The following ZNF536 variants were observed in gnomAD, a reference collection of about 807,000 sequenced individuals.
ZNF536 encodes zinc finger protein 536.
ZNF536 carries 13 observed loss-of-function variants against 84.5 expected under a neutral mutation model. That is an observed-to-expected ratio of 0.15 (90% confidence interval 0.10 to 0.24). The LOEUF (loss-of-function observed/expected upper bound fraction) is 0.24, where lower values mean the gene tolerates loss of function less well. Ranked by LOEUF, ZNF536 falls within the 10% of genes least tolerant of loss-of-function variation. ZNF536 has a pLI of 1.00. For synonymous variants in ZNF536, 811 were observed against 742.5 expected, an observed-to-expected ratio of 1.09 and a Z score of -1.50; for missense variants, 1,536 against 1,747.5, an observed-to-expected ratio of 0.88 and a Z score of 2.16.
intron 1 of ZNF536, among the ~76,000 whole-genome samples, chr19:30,678,747 A>G (rs1212159730): frequency 2.8e-4 from 21 of 74,946 alleles, no homozygotes; most frequent in Non-Finnish European, 5.7e-4. Context: ...CCCCACACAC[A>G]CCTATACCCT....
At chr19:30,664,204 TTCTC>T (rs71173915) in intron 1 of ZNF536, among the ~76,000 whole-genome samples, 1,824 of 90,372 alleles carry the variant, frequency 0.02, 27 homozygotes, top group South Asian at 0.031. Context: ...TTGCTGAGTT[TTCTC>T]TCTCTCTCTC....
At chr19:30,260,164 A>T (rs1372299459) in intron 1 of ZNF536, among the ~76,000 whole-genome samples, 2 of 152,016 alleles carry the variant, frequency 1.3e-5, no homozygotes, top group Non-Finnish European at 2.9e-5. Context: ...TGTAGAGGTG[A>T]CTCCGATGTC....
chr19:30,482,807 C>T (rs1188881967), intron 2 of ZNF536, among the ~76,000 whole-genome samples: 1 of 152,038 alleles, frequency 6.6e-6, no homozygotes, highest in Non-Finnish European at 1.5e-5. Flanking sequence ...GTCCAGCCCC[C>T]CAGCTGGTTG....
intron 1 of ZNF536, among the ~76,000 whole-genome samples, chr19:30,237,644 T>C (rs1349870817): frequency 6.6e-6 from 1 of 152,228 alleles, no homozygotes; most frequent in Non-Finnish European, 1.5e-5. Context: ...TTTCACTGAC[T>C]GTATCATTGA....
At chr19:30,705,581 C>A (rs928636697) in intron 1 of ZNF536, among the ~76,000 whole-genome samples, 1 of 152,042 alleles carries the variant, frequency 6.6e-6, no homozygotes, top group Non-Finnish European at 1.5e-5. Flanking sequence ...TGATATCATC[C>A]CTTGGCAAAA....
intron 3 of ZNF536, among the ~76,000 whole-genome samples, chr19:30,353,303 G>A (rs942379032): frequency 1.3e-5 from 2 of 152,228 alleles, no homozygotes; most frequent in South Asian, 2.1e-4. Flanking sequence ...GGCAGAGCAC[G>A]AGACAGTGGT....
intron 2 of ZNF536, among the ~76,000 whole-genome samples, chr19:30,289,366 A>C (rs1730359235): frequency 6.6e-6 from 1 of 152,246 alleles, no homozygotes; most frequent in Non-Finnish European, 1.5e-5. Flanking sequence ...ACTGCTAGTC[A>C]GCGACAACAT....
chr19:30,690,548 C>T (rs566472430), intron 1 of ZNF536, among the ~76,000 whole-genome samples: 26 of 152,278 alleles, frequency 1.7e-4, no homozygotes, highest in African/African-American at 5.1e-4. Flanking sequence ...TTAATCATCA[C>T]GAACAGCTTT....
At position 30,595,854 on chromosome 19, in the gene ZNF536, G is replaced by A. The variant is rs1279747111; in HGVS notation, c.169+46340G>A. Among the ~76,000 whole-genome samples, 3 of 152,166 alleles carry A rather than the reference G, an allele frequency of 2.0e-5. No homozygotes were observed. In the East Asian group the frequency reaches 5.8e-4, roughly 29 times the overall value. ...CCTTTCTAGTGTCAGGACATAAGAG[G>A]CAGGGAAAGGGGAAAGCAAGCATGA... On this transcript the variant is annotated intron_variant, in intron 1 of 1. Transcript: ENST00000592773.
intron 1 of ZNF536, among the ~76,000 whole-genome samples, chr19:30,422,255 G>A (rs900027538): frequency 6.6e-6 from 1 of 152,112 alleles, no homozygotes; most frequent in South Asian, 2.1e-4. Context: ...ACCTCCTGAA[G>A]ACAAGACATA....
chr19:30,232,063 T>A (rs1360974856), intron 1 of ZNF536, among the ~76,000 whole-genome samples: 1 of 152,076 alleles, frequency 6.6e-6, no homozygotes, highest in Admixed American at 6.5e-5. Context: ...CCTCACTTTT[T>A]TTTTTTCCCA....
chr19:30,672,882 T>G (rs948443878), intron 1 of ZNF536, among the ~76,000 whole-genome samples: 3 of 152,166 alleles, frequency 2.0e-5, no homozygotes, highest in Admixed American at 2.0e-4. Flanking sequence ...GCTGGGACCC[T>G]CCGAGGAACT....
intron 1 of ZNF536, among the ~76,000 whole-genome samples, chr19:30,375,529 A>C (rs1376246912): frequency 6.6e-6 from 1 of 151,968 alleles, no homozygotes; most frequent in Admixed American, 6.5e-5. Flanking sequence ...TCTGCTGGGG[A>C]GCTCACCCCC....
intron 2 of ZNF536, among the ~76,000 whole-genome samples, chr19:30,285,969 G>A (rs920652419): frequency 6.6e-6 from 1 of 152,228 alleles, no homozygotes; most frequent in African/African-American, 2.4e-5. Context: ...GAGTTCCAGA[G>A]TTCCATGGTG....
chr19:30,696,831 G>A (rs146615480), intron 1 of ZNF536, among the ~76,000 whole-genome samples: 5 of 152,216 alleles, frequency 3.3e-5, no homozygotes, highest in East Asian at 1.9e-4. Context: ...GAAATCTGGC[G>A]ACATCTAAGC....
chr19:30,299,068 G>C (rs1369274628), intron 2 of ZNF536, among the ~76,000 whole-genome samples: 1 of 152,150 alleles, frequency 6.6e-6, no homozygotes, highest in Non-Finnish European at 1.5e-5. Flanking sequence ...GTGGTATGAG[G>C]CCAAGTTTAT....
intron 1 of ZNF536, among the ~76,000 whole-genome samples, chr19:30,281,826 C>A (rs2045456216): frequency 6.6e-6 from 1 of 152,184 alleles, no homozygotes; most frequent in Admixed American, 6.5e-5. Flanking sequence ...TCTTCCCCTT[C>A]CCACCCCTAC....
intron 1 of ZNF536, among the ~76,000 whole-genome samples, chr19:30,256,424 C>T (rs2024920069): frequency 6.6e-6 from 1 of 152,268 alleles, no homozygotes; most frequent in Middle Eastern, 3.4e-3. Flanking sequence ...AAAAGCAATT[C>T]GCAGAAATGC....
chr19:30,277,206 T>C (rs540204054), intron 1 of ZNF536, among the ~76,000 whole-genome samples: 6 of 152,304 alleles, frequency 3.9e-5, no homozygotes, highest in Non-Finnish European at 7.3e-5. Flanking sequence ...GAGTTTAAAT[T>C]GAATTTTCAA....
Sources: allele counts gnomAD v4.1 joint callset (sites outside exome capture counted in the v4.1 genomes callset), GRCh38; gene constraint gnomAD v4.1.1; transcripts MANE v1.5; gene names NCBI Gene and HGNC (gene_info 2026-07-23, HGNC 2026-07-21).